The following RYR2 variants were observed in gnomAD, a reference collection of about 807,000 sequenced individuals.
RYR2 encodes cardiac muscle ryanodine receptor-calcium release channel.
In RYR2, 227 loss-of-function variants were observed where a neutral mutation model predicts 601.1. That is an observed-to-expected ratio of 0.38 (90% CI 0.34 to 0.42). The LOEUF (loss-of-function observed/expected upper bound fraction) is 0.42, where lower values mean the gene tolerates loss of function less well. RYR2 is among the 10% of genes least tolerant of loss of function. The probability of loss-of-function intolerance (pLI) is 1.00; values close to 1 mark genes in which losing one functional copy is unlikely to be tolerated. For missense variants in RYR2, 4,646 were observed against 6,156.5 expected (o/e 0.75, Z 8.21); for synonymous variants, 2,223 against 2,175.1 (o/e 1.02, Z -0.61).
intron 33 of RYR2, among the ~76,000 whole-genome samples, chr1:237,594,885 G>GGTTTTTTTTGTTTTTTTTTTT (rs773047111): frequency 1.1e-4 from 9 of 79,048 alleles, no homozygotes; most frequent in South Asian, 1.2e-3. Context: ...AATATCACTG[G>GGTTTTTTTTGTTTTTTTTTTT]GTTTTTTTTT....
At position 237,590,654 on chromosome 1, in the gene RYR2, C is replaced by A; in HGVS notation, c.3822C>A (p.Asp1274Glu). ...TCGTTTGCTAGGTGACCAGAATAGA[C>A]GGCACCATAGACAGTTCCCCATGTT... The part of the protein sequence containing the change: ...NHEHIEVTRI[D>E]GTIDSSPCLK... Residue 1274 changes from aspartate to glutamate, a missense_variant, in exon 31 of 105, where the codon GAC becomes GAA. Transcript: ENST00000366574. 6.5e-7 allele frequency: 1 copy of A among 1,529,064 alleles called. No individual in the cohort carries two copies. The highest frequency in any genetic ancestry group is 1.3e-5 in the South Asian group (1 of 75,312). The allele number at this position is 1,529,064 out of a possible 1,614,324, so 94.7% of individuals were successfully genotyped here. A position where few individuals can be genotyped will look rare whatever the true frequency, so the allele number is the denominator to read the frequency against.
intron 34 of RYR2, among the ~76,000 whole-genome samples, chr1:237,596,191 C>T (rs922859986): frequency 1.1e-4 from 16 of 152,112 alleles, no homozygotes; most frequent in African/African-American, 3.6e-4. Flanking sequence ...TCTCTAGTAA[C>T]AGATCCCCCT....
chr1:237,115,108 G>A (rs1669905137), intron 1 of RYR2, among the ~76,000 whole-genome samples: 1 of 152,108 alleles, frequency 6.6e-6, no homozygotes, highest in African/African-American at 2.4e-5. Flanking sequence ...GAAGACCCCA[G>A]GCTATCTGTC....
At chr1:237,696,251 GA>G (rs1244782991) in intron 63 of RYR2, among the ~76,000 whole-genome samples, 1 of 152,096 alleles carries the variant, frequency 6.6e-6, no homozygotes, top group Non-Finnish European at 1.5e-5. Context: ...GAGTGTTTAG[GA>G]AAAATGAAGG....
chr1:237,058,813 G>A (rs1662493265), intron 1 of RYR2, among the ~76,000 whole-genome samples: 1 of 144,860 alleles, frequency 6.9e-6, no homozygotes, highest in East Asian at 2.2e-4. Context: ...GGGCCGGGGG[G>A]CGGGGTGTTC....
rs147462921 is a variant in RYR2 at position 237,423,575 on chromosome 1, C to T, written c.1005+327C>T. On this transcript the variant is annotated intron_variant, in intron 12 of 104. Coordinates refer to ENST00000366574, the MANE Select transcript of RYR2 (RefSeq NM_001035.3). ...ATAAAACATGAAAATACCTATTATA[C>T]GTCATCAAATGAAAGGTGTTTCATG... 1.0e-3 allele frequency among the ~76,000 whole-genome samples: 154 copies of T among 152,106 alleles called. 1 individual carries two copies. Among genetic ancestry groups the T allele is most frequent in the African/African-American group, 3.2e-3 (134 of 41,484 alleles).
chr1:237,570,927 G>T (rs1185649454), intron 29 of RYR2, among the ~76,000 whole-genome samples: 1 of 152,012 alleles, frequency 6.6e-6, no homozygotes, highest in Admixed American at 6.6e-5. Context: ...AGGAGTTTGC[G>T]ACCAGCCTGG....
intron 29 of RYR2, among the ~76,000 whole-genome samples, chr1:237,586,064 A>G (rs949001223): frequency 6.6e-6 from 1 of 152,206 alleles, no homozygotes; most frequent in African/African-American, 2.4e-5. Context: ...ACTTAATATT[A>G]CATATTTGTC....
In RYR2 at chr1:237,524,546, A is replaced by T. The variant is rs113193591; in HGVS notation, c.2823-5881A>T. Among the ~76,000 whole-genome samples, 489 of 152,304 alleles carry T rather than the reference A, an allele frequency of 3.2e-3. 2 individuals are homozygous for T. Among genetic ancestry groups the T allele is most frequent in the South Asian group, 6.2e-3 (30 of 4,824 alleles). ...CTCTAAAAAGTACATTTTCTACCTG[A>T]TGACTTCTAACTTTGCTATTCTGCA... On this transcript the variant is annotated intron_variant, in intron 24 of 104. Transcript: ENST00000366574.
intron 1 of RYR2, among the ~76,000 whole-genome samples, chr1:237,176,744 A>AT (rs1397943833): frequency 6.6e-6 from 1 of 152,154 alleles, no homozygotes; most frequent in Non-Finnish European, 1.5e-5. Context: ...CAGGTGTTAA[A>AT]TTTTTGCTTG....
chr1:237,071,229 G>GT (rs913460924), intron 1 of RYR2, among the ~76,000 whole-genome samples: 322 of 145,256 alleles, frequency 2.2e-3, no homozygotes, highest in African/African-American at 3.8e-3. Flanking sequence ...TTTGATTTTT[G>GT]TTTTTTTTTT....
intron 71 of RYR2, among the ~76,000 whole-genome samples, chr1:237,714,876 C>G (rs1689128580): frequency 6.6e-6 from 1 of 151,526 alleles, no homozygotes; most frequent in Non-Finnish European, 1.5e-5. Flanking sequence ...TGCCTCTAAT[C>G]CCAGCTACTT....
chr1:237,772,056 G>A lies in RYR2; in HGVS notation c.11602G>A (p.Val3868Ile). The change falls in exon 86 of 105, where the codon GTC (valine) becomes ATC (isoleucine). Residue 3868 changes from valine (V) to isoleucine (I), a missense_variant. Coordinates refer to ENST00000366574, the MANE Select transcript of RYR2 (RefSeq NM_001035.3). Reference sequence around the variant, plus strand: ...AACTCAGACTGGCAATAATACAACTGTCAACATAATTATCTCCACTGTAGA... The same window carrying A: ...AACTCAGACTGGCAATAATACAACTATCAACATAATTATCTCCACTGTAGA... ...LRTQTGNNTT[V>I]NIIISTVDYL... 2 of 1,555,190 alleles carry A rather than the reference G, an allele frequency of 1.3e-6. No homozygotes were observed. Among genetic ancestry groups the A allele is most frequent in the Non-Finnish European group, 1.7e-6 (2 of 1,143,924 alleles).
At chr1:237,063,961 G>A (rs967051260) in intron 1 of RYR2, among the ~76,000 whole-genome samples, 1 of 151,882 alleles carries the variant, frequency 6.6e-6, no homozygotes, top group Non-Finnish European at 1.5e-5. Context: ...TTCCTTTAAA[G>A]GTGATATTTT....
At chr1:237,362,939 G>A (rs1699899081) in intron 4 of RYR2, among the ~76,000 whole-genome samples, 2 of 152,114 alleles carry the variant, frequency 1.3e-5, no homozygotes, top group South Asian at 2.1e-4. Flanking sequence ...ACTTAGCAAT[G>A]CCGAATAGCA....
At position 237,042,310 on chromosome 1, in the gene RYR2, G is replaced by C. The variant is rs1248151080; in HGVS notation, c.-212G>C. 7.7e-6 allele frequency: 2 copies of C among 259,626 alleles called. No individual in the cohort carries two copies. Among genetic ancestry groups the C allele is most frequent in the Non-Finnish European group, 1.4e-5 (2 of 142,654 alleles). 16.1% of individuals were successfully genotyped at this position (259,626 alleles called of 1,614,324 possible). ...CCTCCTCCCGCACAGTGCGGAGCAG[G>C]GAGGCCCCGCGCCTCGACCACCCGC... On this transcript the variant is annotated 5_prime_UTR_variant, in exon 1 of 105. Coordinates refer to ENST00000366574, the MANE Select transcript of RYR2 (RefSeq NM_001035.3).
intron 27 of RYR2, among the ~76,000 whole-genome samples, chr1:237,563,845 A>T (rs192512643): frequency 1.3e-5 from 2 of 152,284 alleles, no homozygotes; most frequent in African/African-American, 2.4e-5. Context: ...TGAAGTCTTG[A>T]TATATTAGAA....
At chr1:237,057,893 C>T (rs573151944) in intron 1 of RYR2, among the ~76,000 whole-genome samples, 56 of 152,250 alleles carry the variant, frequency 3.7e-4, no homozygotes, top group African/African-American at 1.1e-3. Flanking sequence ...AGAGCACATA[C>T]GATTTTCATT....
intron 10 of RYR2, among the ~76,000 whole-genome samples, chr1:237,409,625 TAAC>T (rs563871442): frequency 2.2e-4 from 33 of 152,150 alleles, no homozygotes; most frequent in Non-Finnish European, 4.0e-4. Context: ...GATTATGAAA[TAAC>T]TACTGATTTT....
Sources: gnomAD v4.1 joint callset for allele counts (sites outside exome capture counted in the v4.1 genomes callset) on GRCh38, gnomAD v4.1.1 for gene constraint, MANE v1.5 for transcripts, NCBI Gene and HGNC (gene_info 2026-07-23, HGNC 2026-07-21) for gene names.